Variants in CEACAM20 observed in about 807,000 individuals in gnomAD.
CEACAM20 encodes cell adhesion molecule CEACAM20.
In CEACAM20, 50 loss-of-function variants were observed where a neutral mutation model predicts 61.2. The observed-to-expected ratio is 0.82, with a 90% confidence interval of 0.65 to 1.03. The LOEUF (loss-of-function observed/expected upper bound fraction) is 1.03, where lower values mean the gene tolerates loss of function less well. Ranked by LOEUF, CEACAM20 falls within the 50% of genes least tolerant of loss-of-function variation. The pLI, the probability that CEACAM20 is intolerant of heterozygous loss-of-function variation, is 0.00. For synonymous variants in CEACAM20, 282 were observed against 287.7 expected, an observed-to-expected ratio of 0.98 and a Z score of 0.20; for missense variants, 683 against 736.4, an observed-to-expected ratio of 0.93 and a Z score of 0.84.
At chr19:44,528,814 ACT>A (rs1971617258) in intron 1 of CEACAM20, among the ~76,000 whole-genome samples, 1 of 135,252 alleles carries the variant, frequency 7.4e-6, no homozygotes, top group South Asian at 2.3e-4. Context: ...TGCCTCTGTC[ACT>A]CTTTCCTCAA....
intron 6 of CEACAM20, 148 bp downstream of exon 6, chr19:44,516,798 G>A (rs80257887): frequency 0.025 from 19,840 of 798,666 alleles, 330 homozygotes; most frequent in Non-Finnish European, 0.031. Flanking sequence ...ACTAGGGGTT[G>A]GGATTCAACA....
rs889584157 is a variant in CEACAM20, at chr19:44,506,958, CT to C, written c.1738-745del. 7.2e-5 allele frequency among the ~76,000 whole-genome samples: 11 copies of C among 152,266 alleles called. 1 individual carries two copies. In the East Asian group the frequency reaches 2.1e-3, roughly 29 times the overall value. On this transcript the variant is annotated intron_variant, in intron 11 of 11. Transcript: ENST00000614924. ...GATAACTCTACACCCTCTTCAGGGCCTTTTTTACTGATGCCTCTCAAGTTGG... is the reference window on the plus strand; with the variant it reads ...GATAACTCTACACCCTCTTCAGGGCCTTTTTACTGATGCCTCTCAAGTTGG...
Position 44,513,794 on chromosome 19 carries a change from G to A in CEACAM20, c.1310-505C>T, listed in dbSNP as rs115862564. Among the ~76,000 whole-genome samples the A allele has an allele frequency of 3.7e-3, 560 of 152,208 alleles. 5 individuals are homozygous for A. Among genetic ancestry groups the A allele is most frequent in the African/African-American group, 0.013 (537 of 41,512 alleles). On this transcript the variant is annotated intron_variant, in intron 6 of 11. Coordinates refer to ENST00000614924, the MANE Select transcript of CEACAM20 (RefSeq NM_001102597.3). ...CTAAACTAAAACATCCAGTTTCTGC[G>A]TCCAAATTTCAGCAGTGTGACTTTG...
chr19:44,522,791 G>C lies in CEACAM20; in HGVS notation c.594C>G (p.Ala198=), dbSNP rs540641400. The C allele has an allele frequency of 8.7e-6, 14 of 1,613,784 alleles. No individual in the cohort carries two copies. In the Admixed American group the frequency reaches 2.3e-4, roughly 27 times the overall value. Residue 198 remains alanine (A), a synonymous_variant, in exon 4 of 12, where the codon GCC becomes GCG. Transcript: ENST00000614924. The part of the protein sequence containing the change: ...LAETKSHPPC[A]YTWFLLDSIL... ...TGGAGTCAAGGAGAAACCAAGTATAGGCACAGGGTGGGTGAGACTTTGTTT... is the reference window on the plus strand; with the variant it reads ...TGGAGTCAAGGAGAAACCAAGTATACGCACAGGGTGGGTGAGACTTTGTTT...
intron 2 of CEACAM20, 60 bp from the exon 3 acceptor site, chr19:44,524,321 A>G: frequency 1.3e-6 from 2 of 1,542,146 alleles, no homozygotes; most frequent in Non-Finnish European, 1.8e-6. Context: ...CAAACAAGAC[A>G]TAGTCACAGA....
rs997803905 is a variant in CEACAM20 at position 44,513,461 on chromosome 19, T to C, written c.1310-172A>G. Among the ~76,000 whole-genome samples the C allele has an allele frequency of 7.3e-5, 11 of 150,150 alleles. No individual in the cohort carries two copies. The East Asian group carries it at 1.9e-3, about 26-fold the overall frequency. On this transcript the variant is annotated intron_variant, in intron 6 of 11. Transcript: ENST00000614924. ...GGTTTTGCTTTTTTTTTTTTTTTTT[T>C]CAGACAGGGTCTTGCTCTGTCACCC...
intron 1 of CEACAM20, among the ~76,000 whole-genome samples, chr19:44,527,020 C>T (rs1197671401): frequency 1.3e-5 from 2 of 152,132 alleles, no homozygotes; most frequent in Non-Finnish European, 2.9e-5. Flanking sequence ...CCCAATGTGG[C>T]CCAAACACTG....
At chr19:44,513,401 T>C (rs1325831039) in intron 6 of CEACAM20, 112 bp from the exon 7 acceptor site, 6 of 679,948 alleles carry the variant, frequency 8.8e-6, no homozygotes, top group Non-Finnish European at 1.5e-5. Context: ...AGCACTTGTT[T>C]TCCAGTCGTT....
Position 44,520,670 on chromosome 19 carries a change from G to A in CEACAM20, c.834C>T (p.Thr278=), listed in dbSNP as rs538155382. 104 of 1,613,986 alleles carry A rather than the reference G, an allele frequency of 6.4e-5. No homozygotes were observed. In the East Asian group the frequency reaches 1.1e-3, roughly 18 times the overall value. Residue 278 remains threonine (T), a synonymous_variant, in exon 5 of 12, where the codon ACC becomes ACT. Coordinates refer to ENST00000614924, the MANE Select transcript of CEACAM20 (RefSeq NM_001102597.3). The stretch of plus-strand genomic sequence containing the variant: ...ACTGGACATTCACACTCTGATTGAC[G>A]GTTTGGCAGGTCAGGTCCACAGACC... The part of the protein sequence containing the change: ...NARSVDLTCQ[T]VNQSVNVQWF...
chr19:44,522,220 C>T (rs1424073870), intron 4 of CEACAM20, among the ~76,000 whole-genome samples: 1 of 152,072 alleles, frequency 6.6e-6, no homozygotes, highest in Non-Finnish European at 1.5e-5. Flanking sequence ...TCTCCTGCCT[C>T]AGCCTCCTGA....
intron 11 of CEACAM20, among the ~76,000 whole-genome samples, chr19:44,506,445 C>G (rs761579641): frequency 6.6e-6 from 1 of 152,220 alleles, no homozygotes; most frequent in Non-Finnish European, 1.5e-5. Flanking sequence ...ATAATCCCTG[C>G]CTCCTGGTAT....
In CEACAM20 at chr19:44,529,543, G is replaced by A. The variant is rs748856758; in HGVS notation, c.-34C>T. The A allele has an allele frequency of 1.6e-5, 26 of 1,608,448 alleles. No individual in the cohort carries two copies. The highest frequency in any genetic ancestry group is 1.2e-4 in the African/African-American group (9 of 74,734). On this transcript the variant is annotated 5_prime_UTR_variant, in exon 1 of 12. The change creates a new upstream start codon in the 5' untranslated region. Transcript: ENST00000614924. ...GCACCTGACTTCAGTGTGCCAGGCC[G>A]TCTGTCGCCCCGGCTTGCACACACA...
At chr19:44,510,344 T>C (rs1176241458) in intron 11 of CEACAM20, among the ~76,000 whole-genome samples, 1 of 151,734 alleles carries the variant, frequency 6.6e-6, no homozygotes, top group East Asian at 1.9e-4. Context: ...AAATCCCGTC[T>C]CTACCAAAAA....
At chr19:44,528,350 C>T (rs1971599887) in intron 1 of CEACAM20, among the ~76,000 whole-genome samples, 1 of 152,028 alleles carries the variant, frequency 6.6e-6, no homozygotes, top group Non-Finnish European at 1.5e-5. Flanking sequence ...GCCTCAGCCT[C>T]CCGAGTAGCT....
chr19:44,512,852 C>T lies in CEACAM20; in HGVS notation c.1513+16G>A. On this transcript the variant is annotated intron_variant, in intron 8 of 11. Transcript: ENST00000614924. ...TCACCCCTGCCCCAGGCATCAGCCA[C>T]CATAGAGTCACTTACCGGAACTGGG... The T allele has an allele frequency of 1.2e-6, 2 of 1,609,186 alleles. No homozygotes were observed. Among genetic ancestry groups the T allele is most frequent in the African/African-American group, 1.3e-5 (1 of 74,918 alleles).
intron 5 of CEACAM20, among the ~76,000 whole-genome samples, chr19:44,518,173 A>AGCAG (rs552025790): frequency 1.4e-4 from 19 of 138,822 alleles, no homozygotes; most frequent in African/African-American, 1.9e-4. Flanking sequence ...GAAGGAAGAA[A>AGCAG]GCAGGCAGGC....
chr19:44,509,842 G>C (rs1970920319), intron 11 of CEACAM20, among the ~76,000 whole-genome samples: 1 of 152,138 alleles, frequency 6.6e-6, no homozygotes, highest in African/African-American at 2.4e-5. Flanking sequence ...ATAAGAACTG[G>C]AATGTAGTGG....
At position 44,528,955 on chromosome 19, in the gene CEACAM20, TC is replaced by T. The variant is rs782466441; in HGVS notation, c.52+502del. ...TTATTTCTGTATTTCTCTCTTTCTT[TC>T]TTTTTTTTTTTTTTTTTTTTGAGAC... On this transcript the variant is annotated intron_variant, in intron 1 of 11. Transcript: ENST00000614924. Among the ~76,000 whole-genome samples the T allele has an allele frequency of 2.4e-3, 265 of 109,574 alleles. 2 individuals carry two copies. The highest frequency in any genetic ancestry group is 8.3e-3 in the African/African-American group (193 of 23,236). 71.9% of individuals were successfully genotyped at this position (109,574 alleles called of 152,430 possible).
intron 1 of CEACAM20, among the ~76,000 whole-genome samples, chr19:44,528,015 C>G (rs974189106): frequency 6.6e-6 from 1 of 151,928 alleles, no homozygotes; most frequent in African/African-American, 2.4e-5. Flanking sequence ...TGTGATACTC[C>G]AACTCTCTCC....
Sources: gnomAD v4.1 joint callset for allele counts (sites outside exome capture counted in the v4.1 genomes callset) on GRCh38, gnomAD v4.1.1 for gene constraint, MANE v1.5 for transcripts, NCBI Gene and HGNC (gene_info 2026-07-23, HGNC 2026-07-21) for gene names.